The following TTC6 variants were observed in gnomAD, a reference collection of about 807,000 sequenced individuals.
TTC6 encodes the protein tetratricopeptide repeat domain 6, also known as tetratricopeptide repeat protein 6.
TTC6 carries 172 observed loss-of-function variants against 210.4 expected under a neutral mutation model. The ratio of observed to expected loss-of-function variants is 0.82; its 90% CI spans 0.72 to 0.93. The LOEUF (loss-of-function observed/expected upper bound fraction) is 0.93. Among genes scored for constraint, TTC6 ranks in the 40% least tolerant of loss-of-function variants. TTC6 has a pLI of 0.00. For synonymous variants in TTC6, 804 were observed against 819.6 expected (o/e 0.98, Z 0.32); for missense variants, 2,414 against 2,318.1 (o/e 1.04, Z -0.85).
At chr14:37,793,668 G>T (rs766394306) in intron 17 of TTC6, among the ~76,000 whole-genome samples, 2 of 152,306 alleles carry the variant, frequency 1.3e-5, no homozygotes, top group African/African-American at 4.8e-5. Context: ...GACCATCTGC[G>T]GAAGTTGGAG....
chr14:37,824,222 C>G (rs760419323), intron 27 of TTC6, among the ~76,000 whole-genome samples: 3 of 152,058 alleles, frequency 2.0e-5, no homozygotes, highest in Non-Finnish European at 4.4e-5. Flanking sequence ...TGCACCCCTC[C>G]CTACCTTCCT....
upstream of TTC6, among the ~76,000 whole-genome samples, chr14:37,620,110 A>G (rs752157700): frequency 2.6e-5 from 4 of 152,160 alleles, no homozygotes; most frequent in Non-Finnish European, 5.9e-5. Flanking sequence ...ATTATAGTAA[A>G]AAAATTGTTT....
exon 11 of TTC6, chr14:37,749,193 G>T: frequency 6.5e-7 from 1 of 1,533,026 alleles, no homozygotes. Context: ...CCACCTGAAA[G>T]AGTGAAAGAA....
intron 1 of TTC6, among the ~76,000 whole-genome samples, chr14:37,638,355 C>T (rs939749913): frequency 5.3e-5 from 8 of 151,908 alleles, no homozygotes; most frequent in African/African-American, 1.7e-4. Flanking sequence ...CCTGGGTTCA[C>T]GAGGTTTTCC....
At chr14:37,736,619 G>A (rs911525393) in intron 8 of TTC6, among the ~76,000 whole-genome samples, 1 of 152,196 alleles carries the variant, frequency 6.6e-6, no homozygotes, top group Non-Finnish European at 1.5e-5. Context: ...ATGAAGCAGA[G>A]TAAGACTGAT....
rs1256034513 is a variant in TTC6 at position 37,841,672 on chromosome 14, T to C, written c.5524+2T>C. The C allele has an allele frequency of 6.3e-7, 1 of 1,594,200 alleles. No individual in the cohort carries two copies. Among genetic ancestry groups the C allele is most frequent in the Admixed American group, 1.8e-5 (1 of 56,262 alleles). On this transcript the variant is annotated splice_donor_variant, in intron 30 of 30. Transcript: ENST00000553443. LOFTEE classifies it high-confidence loss of function. ...TAGCTGAGGAAGACCTTAATAAAGG[T>C]ACACTTTTGGTAATTATTCTGGTAA...
At chr14:37,769,908 T>A (rs562614166) in intron 14 of TTC6, among the ~76,000 whole-genome samples, 5,580 of 151,892 alleles carry the variant, frequency 0.037, 141 homozygotes, top group South Asian at 0.094. Flanking sequence ...GTGTCAATTT[T>A]GAATCTTTCC....
intron 1 of TTC6, among the ~76,000 whole-genome samples, chr14:37,643,734 C>G (rs2095696525): frequency 6.6e-6 from 1 of 152,126 alleles, no homozygotes; most frequent in African/African-American, 2.4e-5. Context: ...ATAATAAAGC[C>G]AGACCTCATC....
chr14:37,672,645 C>A (rs2095760506), intron 1 of TTC6, among the ~76,000 whole-genome samples: 1 of 152,066 alleles, frequency 6.6e-6, no homozygotes, highest in African/African-American at 2.4e-5. Flanking sequence ...TTCTCCATAG[C>A]CTTCTGAAAC....
intron 26 of TTC6, 133 bp downstream of exon 28, chr14:37,817,784 G>A: frequency 1.2e-6 from 1 of 838,610 alleles, no homozygotes; most frequent in Non-Finnish European, 1.9e-6. Flanking sequence ...GTACAAAAAT[G>A]GGGAGGGACA....
chr14:37,623,278 A>G (rs2095654885), intron 1 of TTC6, among the ~76,000 whole-genome samples: 1 of 152,218 alleles, frequency 6.6e-6, no homozygotes, highest in Admixed American at 6.5e-5. Context: ...GACTTCAGTA[A>G]TAACGTCACT....
chr14:37,642,420 C>A (rs978822230), intron 1 of TTC6, among the ~76,000 whole-genome samples: 2 of 152,150 alleles, frequency 1.3e-5, no homozygotes, highest in Admixed American at 6.5e-5. Context: ...TACATTCAGT[C>A]AAAACCCACT....
At chr14:37,620,098 C>G (rs574604190), upstream of TTC6, among the ~76,000 whole-genome samples, 1 of 152,036 alleles carries the variant, frequency 6.6e-6, no homozygotes, top group Non-Finnish European at 1.5e-5. Context: ...TGAAATTTTA[C>G]CATTATAGTA....
chr14:37,773,812 A>G (rs2096028476), intron 14 of TTC6, among the ~76,000 whole-genome samples: 1 of 152,178 alleles, frequency 6.6e-6, no homozygotes, highest in Non-Finnish European at 1.5e-5. Flanking sequence ...TGGTAATTTG[A>G]TAGGAATATT....
intron 14 of TTC6, among the ~76,000 whole-genome samples, chr14:37,786,399 C>T (rs2096067728): frequency 6.6e-6 from 1 of 152,214 alleles, no homozygotes; most frequent in African/African-American, 2.4e-5. Context: ...GTGAGCAAGG[C>T]TCCGTGGGCG....
chr14:37,714,725 A>T lies in TTC6; in HGVS notation c.1642A>T (p.Ile548Leu), dbSNP rs908196650. Residue 548 changes from isoleucine (I) to leucine (L), a missense_variant, in exon 6 of 31, where the codon ATA becomes TTA. Ile to Leu is a conservative substitution (Grantham distance 5, BLOSUM62 2). Transcript: ENST00000553443. ...CCATATTCCTCCGACACCGCAAGGG[A>T]TACCACCTGAATTGGCACAAGGAAC... The T allele has an allele frequency of 3.3e-6, 5 of 1,535,650 alleles. No individual in the cohort carries two copies. In the African/African-American group the frequency reaches 4.1e-5, roughly 13 times the overall value.
intron 25 of TTC6, among the ~76,000 whole-genome samples, chr14:37,816,487 T>G (rs1208304372): frequency 6.6e-6 from 1 of 152,144 alleles, no homozygotes; most frequent in Non-Finnish European, 1.5e-5. Context: ...TGGAGGGATT[T>G]CCTTTTGCCA....
chr14:37,709,499 A>G (rs1300895493), intron 5 of TTC6, among the ~76,000 whole-genome samples: 1 of 152,056 alleles, frequency 6.6e-6, no homozygotes, highest in Non-Finnish European at 1.5e-5. Flanking sequence ...ACCCTTGTGT[A>G]TTTCTGTTTT....
intron 3 of TTC6, among the ~76,000 whole-genome samples, chr14:37,692,203 C>A (rs1273265253): frequency 3.4e-5 from 1 of 29,452 alleles, no homozygotes; most frequent in Non-Finnish European, 6.0e-5. Context: ...CAGACAAAGA[C>A]ACACCAAAAA....
Sources: gnomAD v4.1 joint callset for allele counts (sites outside exome capture counted in the v4.1 genomes callset) on GRCh38, gnomAD v4.1.1 for gene constraint, MANE v1.5 for transcripts, NCBI Gene and HGNC (gene_info 2026-07-23, HGNC 2026-07-21) for gene names.